DGKB: variants seen among roughly 807,000 people sequenced by gnomAD.
The protein encoded by DGKB is diacylglycerol kinase beta.
Under a neutral mutation model 114.3 loss-of-function variants are expected in DGKB, and 67 were observed. The observed-to-expected ratio is 0.59, with a 90% confidence interval of 0.48 to 0.72. The LOEUF (loss-of-function observed/expected upper bound fraction) is 0.72, where lower values mean the gene tolerates loss of function less well. DGKB is among the 30% of genes least tolerant of loss of function. DGKB has a pLI of 0.00. For missense variants in DGKB, 907 were observed against 975.2 expected (o/e 0.93, Z 0.93); for synonymous variants, 398 against 323.1 (o/e 1.23, Z -2.49).
At chr7:14,964,918 C>A (rs970719373) in intron 1 of DGKB, among the ~76,000 whole-genome samples, 1 of 151,730 alleles carries the variant, frequency 6.6e-6, no homozygotes, top group African/African-American at 2.4e-5. Context: ...GGATCATAAC[C>A]CAACAATGAT....
At chr7:14,647,962 G>C (rs181416343) in intron 13 of DGKB, among the ~76,000 whole-genome samples, 1 of 152,322 alleles carries the variant, frequency 6.6e-6, no homozygotes, top group East Asian at 1.9e-4. Flanking sequence ...CGCACCATGA[G>C]ATTATATCCT....
chr7:14,873,662 T>C (rs1254974278), intron 1 of DGKB, among the ~76,000 whole-genome samples: 2 of 151,912 alleles, frequency 1.3e-5, no homozygotes, highest in African/African-American at 4.8e-5. Flanking sequence ...TATATACACA[T>C]ACATATGTAT....
intron 23 of DGKB, among the ~76,000 whole-genome samples, chr7:14,317,502 G>C (rs1806814422): frequency 6.6e-6 from 1 of 151,562 alleles, no homozygotes; most frequent in South Asian, 2.1e-4. Flanking sequence ...CAGACAAACA[G>C]AGAGCCAAAT....
At chr7:14,904,584 T>C (rs559215598), upstream of DGKB, among the ~76,000 whole-genome samples, 1 of 152,326 alleles carries the variant, frequency 6.6e-6, no homozygotes, top group East Asian at 1.9e-4. Flanking sequence ...ATTTATCAAT[T>C]ATCCAACAAA....
chr7:14,661,087 A>C (rs1339077290), intron 13 of DGKB, among the ~76,000 whole-genome samples: 1 of 151,786 alleles, frequency 6.6e-6, no homozygotes, highest in Non-Finnish European at 1.5e-5. Context: ...GTTAGACCTA[A>C]AACCACAAAG....
chr7:14,427,703 G>C (rs1251068654), intron 21 of DGKB, among the ~76,000 whole-genome samples: 8 of 152,098 alleles, frequency 5.3e-5, no homozygotes, highest in Non-Finnish European at 7.4e-5. Flanking sequence ...CTTGTGCGGG[G>C]AAATTCCCGT....
chr7:14,798,477 C>G (rs369708899), intron 2 of DGKB, among the ~76,000 whole-genome samples: 3 of 152,064 alleles, frequency 2.0e-5, no homozygotes, highest in South Asian at 2.1e-4. Context: ...ATTTTGTAAA[C>G]CTCCTTTACA....
At position 14,202,113 on chromosome 7, in the gene DGKB, G is replaced by A. The variant is rs902829373; in HGVS notation, c.2123-23962C>T. ...ACCATTAATGGATTATCTATAATGT[G>A]ATAATTGCTTCTTATATTTATCTAG... On this transcript the variant is annotated intron_variant, in intron 23 of 25. Transcript: ENST00000402815. Among the ~76,000 whole-genome samples, 3 of 151,974 alleles carry A rather than the reference G, an allele frequency of 2.0e-5. No individual in the cohort carries two copies. The East Asian group carries it at 5.8e-4, about 29-fold the overall frequency.
chr7:14,391,684 C>A (rs1821342219), intron 21 of DGKB, among the ~76,000 whole-genome samples: 3 of 151,916 alleles, frequency 2.0e-5, no homozygotes, highest in Non-Finnish European at 4.4e-5. Context: ...AGAATGAGAC[C>A]CTGTGTCAGG....
At chr7:14,317,667 T>C (rs1204574545) in intron 23 of DGKB, among the ~76,000 whole-genome samples, 2 of 113,130 alleles carry the variant, frequency 1.8e-5, no homozygotes, top group Non-Finnish European at 3.7e-5. Flanking sequence ...CATTCCATGC[T>C]CATGGGTAGG....
At chr7:14,808,014 A>G (rs1842973615) in intron 2 of DGKB, among the ~76,000 whole-genome samples, 1 of 152,062 alleles carries the variant, frequency 6.6e-6, no homozygotes, top group Non-Finnish European at 1.5e-5. Flanking sequence ...CTAAGATGTC[A>G]TTATAATGAC....
At chr7:14,307,335 A>C (rs1295579782) in intron 23 of DGKB, among the ~76,000 whole-genome samples, 1 of 152,192 alleles carries the variant, frequency 6.6e-6, no homozygotes, top group Non-Finnish European at 1.5e-5. Flanking sequence ...CAATTAATTA[A>C]AGTCTTTCAT....
chr7:14,495,356 A>T (rs1785152368), intron 20 of DGKB, among the ~76,000 whole-genome samples: 1 of 151,848 alleles, frequency 6.6e-6, no homozygotes, highest in Non-Finnish European at 1.5e-5. Context: ...TTATGCTTTT[A>T]GAAATTACCA....
At chr7:14,213,078 T>G (rs1788394946) in intron 23 of DGKB, among the ~76,000 whole-genome samples, 1 of 152,068 alleles carries the variant, frequency 6.6e-6, no homozygotes, top group Non-Finnish European at 1.5e-5. Context: ...CAGTTCAATT[T>G]GAAATATATC....
intron 13 of DGKB, among the ~76,000 whole-genome samples, chr7:14,664,601 C>A (rs1817700487): frequency 6.6e-6 from 1 of 152,026 alleles, no homozygotes; most frequent in Non-Finnish European, 1.5e-5. Context: ...TATGTACTCT[C>A]TTGTCACTGA....
At chr7:14,782,670 G>A (rs952043474) in intron 2 of DGKB, among the ~76,000 whole-genome samples, 1 of 152,070 alleles carries the variant, frequency 6.6e-6, no homozygotes, top group Non-Finnish European at 1.5e-5. Flanking sequence ...AATTAAACAG[G>A]AGGGTTGGAG....
intron 2 of DGKB, among the ~76,000 whole-genome samples, chr7:14,809,322 C>T (rs1039051156): frequency 2.6e-5 from 4 of 152,046 alleles, no homozygotes; most frequent in African/African-American, 7.2e-5. Flanking sequence ...TCCTCAATCT[C>T]TAGCATTTCA....
chr7:14,218,959 G>C (rs1413820096), intron 23 of DGKB, among the ~76,000 whole-genome samples: 1 of 151,724 alleles, frequency 6.6e-6, no homozygotes, highest in African/African-American at 2.4e-5. Context: ...AGCAACTAAT[G>C]ATCTACTTTC....
chr7:14,379,318 C>A (rs1165944485), intron 21 of DGKB, among the ~76,000 whole-genome samples: 1 of 151,984 alleles, frequency 6.6e-6, no homozygotes, highest in Non-Finnish European at 1.5e-5. Flanking sequence ...TTTTGTTGAA[C>A]CAACTTTCCA....
Sources: gnomAD v4.1 joint callset for allele counts (sites outside exome capture counted in the v4.1 genomes callset) on GRCh38, gnomAD v4.1.1 for gene constraint, MANE v1.5 for transcripts, NCBI Gene and HGNC (gene_info 2026-07-23, HGNC 2026-07-21) for gene names.